Variants in SBF2 observed in about 807,000 individuals in gnomAD.
The protein encoded by SBF2 is SET binding factor 2.
In SBF2, 112 loss-of-function variants were observed where a neutral mutation model predicts 225.2. The ratio of observed to expected loss-of-function variants is 0.50; its 90% CI spans 0.43 to 0.58. The LOEUF is 0.58. SBF2 is among the 20% of genes least tolerant of loss of function. The pLI is 0.00. For synonymous variants in SBF2, 763 were observed against 773.3 expected, an observed-to-expected ratio of 0.99 and a Z score of 0.22; for missense variants, 1,996 against 2,206.2, an observed-to-expected ratio of 0.90 and a Z score of 1.91.
intron 1 of SBF2, among the ~76,000 whole-genome samples, chr11:10,206,502 C>T (rs1191770017): frequency 1.3e-5 from 2 of 151,642 alleles, no homozygotes; most frequent in Admixed American, 6.6e-5. Flanking sequence ...ACTTGAATGA[C>T]AAAAAGACAA....
At chr11:9,807,886 G>A in intron 32 of SBF2, 114 bp downstream of exon 32, 1 of 940,664 alleles carries the variant, frequency 1.1e-6, no homozygotes, top group Non-Finnish European at 1.7e-6. Flanking sequence ...CTGTGGCTGA[G>A]TTAATCAGAG....
intron 2 of SBF2, among the ~76,000 whole-genome samples, chr11:10,144,728 T>A (rs1426369414): frequency 6.6e-6 from 1 of 152,230 alleles, no homozygotes; most frequent in Non-Finnish European, 1.5e-5. Context: ...CATGTTCTTC[T>A]ATGCTCAAAA....
intron 1 of SBF2, among the ~76,000 whole-genome samples, chr11:10,253,118 C>CCAAA (rs747457986): frequency 1.3e-5 from 1 of 77,292 alleles, no homozygotes; most frequent in Non-Finnish European, 2.5e-5. Context: ...AGGTAAATAC[C>CCAAA]AAAAAAAAAA....
chr11:10,214,601 C>G (rs1234608475), intron 1 of SBF2, among the ~76,000 whole-genome samples: 1 of 152,034 alleles, frequency 6.6e-6, no homozygotes, highest in African/African-American at 2.4e-5. Context: ...CCAGCCTGGG[C>G]GACAGAGAAA....
intron 2 of SBF2, among the ~76,000 whole-genome samples, chr11:10,091,822 C>A (rs1337585430): frequency 1.3e-5 from 2 of 152,150 alleles, no homozygotes; most frequent in East Asian, 3.9e-4. Flanking sequence ...AAAGCACGAA[C>A]TGATCTAAAA....
In SBF2 at chr11:10,042,868, G is replaced by A; in HGVS notation, c.255C>T (p.Phe85=). 6.2e-7 allele frequency: 1 copy of A among 1,613,930 alleles called. No individual in the cohort carries two copies. The highest frequency in any genetic ancestry group is 8.5e-7 in the Non-Finnish European group (1 of 1,179,860). ...SDRHYCSCLT[F]YEAEINLQGT... ...CCTGAAGATTGATCTCTGCCTCATA[G>A]AAGGTTAGGCATGAGCAGTAATGTC... Residue 85 remains phenylalanine, a synonymous_variant, in exon 3 of 40, where the codon TTC becomes TTT. Coordinates refer to ENST00000256190, the MANE Select transcript of SBF2 (RefSeq NM_030962.4).
chr11:10,117,916 C>T (rs553038908), intron 2 of SBF2, among the ~76,000 whole-genome samples: 1 of 151,892 alleles, frequency 6.6e-6, no homozygotes, highest in Non-Finnish European at 1.5e-5. Flanking sequence ...GTCAAAAGTT[C>T]TTTCTCTGGA....
chr11:9,963,776 T>C lies in SBF2; in HGVS notation c.1707A>G (p.Glu569=), dbSNP rs1404198719. 1 of 1,482,086 alleles carries C rather than the reference T, an allele frequency of 6.7e-7. No individual in the cohort carries two copies. Among genetic ancestry groups the C allele is most frequent in the Admixed American group, 1.7e-5 (1 of 57,924 alleles). The allele number at this position is 1,482,086 out of a possible 1,614,324, so 91.8% of individuals were successfully genotyped here. The change falls in exon 15 of 40, where the codon GAA becomes GAG. Residue 569 remains glutamate (E), a synonymous_variant. Coordinates refer to ENST00000256190, the MANE Select transcript of SBF2 (RefSeq NM_030962.4). The part of the protein sequence containing the change: ...FIFENKILET[E]KTLPAALRAL... ...GGGAAAGATCACATTTTATTACCTT[T>C]TCAGTTTCCAAAATTTTATTTTCAA...
chr11:10,067,872 CA>C (rs1474325479), intron 2 of SBF2, among the ~76,000 whole-genome samples: 2 of 151,976 alleles, frequency 1.3e-5, no homozygotes, highest in Admixed American at 1.3e-4. Context: ...AGCCTGGCAA[CA>C]AAATGATACC....
At chr11:9,972,573 C>T (rs1385803344) in intron 13 of SBF2, among the ~76,000 whole-genome samples, 1 of 152,128 alleles carries the variant, frequency 6.6e-6, no homozygotes, top group Non-Finnish European at 1.5e-5. Flanking sequence ...CTCTGCCTCC[C>T]GGGTTCAAGT....
chr11:10,294,533 A>T (rs1257465450), upstream of SBF2, among the ~76,000 whole-genome samples: 1 of 152,218 alleles, frequency 6.6e-6, no homozygotes, highest in East Asian at 1.9e-4. Flanking sequence ...TTGAGGGGTC[A>T]CTTGGAAAGC....
intron 2 of SBF2, among the ~76,000 whole-genome samples, chr11:10,055,757 T>C (rs1213572716): frequency 6.6e-6 from 1 of 151,928 alleles, no homozygotes; most frequent in Non-Finnish European, 1.5e-5. Context: ...TAACGGACAA[T>C]AGAGTCCCAG....
intron 2 of SBF2, among the ~76,000 whole-genome samples, chr11:10,043,473 G>C (rs1949734250): frequency 6.6e-6 from 1 of 152,164 alleles, no homozygotes; most frequent in African/African-American, 2.4e-5. Context: ...ATTTAAAAAA[G>C]AGGAATCATA....
At chr11:10,240,553 G>C (rs1959194195) in intron 1 of SBF2, among the ~76,000 whole-genome samples, 1 of 152,148 alleles carries the variant, frequency 6.6e-6, no homozygotes, top group South Asian at 2.1e-4. Flanking sequence ...GAGAACGCAT[G>C]CTCTTTACCT....
chr11:9,811,905 C>T (rs1201805761), intron 30 of SBF2, among the ~76,000 whole-genome samples: 2 of 151,984 alleles, frequency 1.3e-5, no homozygotes, highest in African/African-American at 2.4e-5. Context: ...TACTTGAGGC[C>T]AGGAGTTCAA....
At chr11:10,241,426 G>A (rs1429246285) in intron 1 of SBF2, among the ~76,000 whole-genome samples, 1 of 152,016 alleles carries the variant, frequency 6.6e-6, no homozygotes, top group Non-Finnish European at 1.5e-5. Context: ...AAAATGGACA[G>A]CAGATTAAAT....
chr11:10,042,725 T>G (rs1211872468), intron 3 of SBF2, 119 bp downstream of exon 3: 1 of 969,036 alleles, frequency 1.0e-6, no homozygotes, highest in Non-Finnish European at 1.6e-6. Context: ...AATTTCTTCA[T>G]GCTTCTTATG....
intron 13 of SBF2, among the ~76,000 whole-genome samples, chr11:9,972,433 A>G (rs1231067785): frequency 6.6e-6 from 1 of 152,056 alleles, no homozygotes; most frequent in Non-Finnish European, 1.5e-5. Context: ...CACATTACCA[A>G]CTACTTACAT....
At chr11:9,905,470 A>G (rs1160087305) in intron 16 of SBF2, among the ~76,000 whole-genome samples, 1 of 152,202 alleles carries the variant, frequency 6.6e-6, no homozygotes, top group Non-Finnish European at 1.5e-5. Flanking sequence ...CTCAACAAAT[A>G]TTTATTGAGT....
Sources: allele counts gnomAD v4.1 joint callset (sites outside exome capture counted in the v4.1 genomes callset), GRCh38; gene constraint gnomAD v4.1.1; transcripts MANE v1.5; gene names NCBI Gene and HGNC (gene_info 2026-07-23, HGNC 2026-07-21).